DGAT2L6: variants seen among roughly 807,000 people sequenced by gnomAD.
DGAT2L6 encodes the protein diacylglycerol O-acyltransferase 2-like protein 6.
A neutral mutation model predicts 25.5 loss-of-function variants in DGAT2L6; 22 were observed. The ratio of observed to expected loss-of-function variants is 0.86; its 90% CI spans 0.62 to 1.23. The LOEUF is 1.23. Ranked by LOEUF, DGAT2L6 falls within the 50% of genes most tolerant of loss-of-function variation. DGAT2L6 has a pLI of 0.00. For missense variants in DGAT2L6, 287 were observed against 253.2 expected (o/e 1.13, Z -0.91); for synonymous variants, 100 against 94.7 (o/e 1.06, Z -0.32).
At chrX:70,199,674 A>T (rs2085403064) in intron 2 of DGAT2L6, 138 bp from the exon 3 acceptor site, 1 of 542,532 alleles carries the variant, frequency 1.8e-6, no homozygotes. Flanking sequence ...GGATTCAGGG[A>T]CAGTACTTAC....
intron 1 of DGAT2L6, among the ~76,000 whole-genome samples, chrX:70,183,306 A>G (rs1046047168): frequency 2.7e-5 from 3 of 110,489 alleles, no homozygotes; most frequent in Non-Finnish European, 5.7e-5. Flanking sequence ...GTACTCTCCC[A>G]CTCCTTCACC....
chrX:70,203,460 G>C (rs1054617292), intron 5 of DGAT2L6, among the ~76,000 whole-genome samples: 3 of 112,040 alleles, frequency 2.7e-5, no homozygotes, highest in Non-Finnish European at 5.6e-5. Flanking sequence ...TCTGAACTGT[G>C]AATTGAAATA....
At chrX:70,189,230 G>A (rs978236669) in intron 1 of DGAT2L6, among the ~76,000 whole-genome samples, 1 of 110,809 alleles carries the variant, frequency 9.0e-6, no homozygotes, top group South Asian at 3.7e-4. Flanking sequence ...AAAATCCCAA[G>A]GACTCTACTT....
chrX:70,204,238 C>A, intron 5 of DGAT2L6, 67 bp from the exon 6 acceptor site: 1 of 991,298 alleles, frequency 1.0e-6, no homozygotes, highest in South Asian at 2.2e-5. Context: ...AGAGGTTTCC[C>A]ACCTTGGAGA....
At chrX:70,198,515 T>C (rs2085398917) in intron 1 of DGAT2L6, among the ~76,000 whole-genome samples, 1 of 110,219 alleles carries the variant, frequency 9.1e-6, no homozygotes, top group African/African-American at 3.3e-5. Flanking sequence ...AGTAGGGCAG[T>C]TTTGTTGTTG....
At chrX:70,198,789 C>T (rs924496572) in intron 1 of DGAT2L6, among the ~76,000 whole-genome samples, 3 of 111,638 alleles carry the variant, frequency 2.7e-5, no homozygotes, top group South Asian at 3.8e-4. Flanking sequence ...CTGCCTGCCT[C>T]GGCCTCCCAA....
chrX:70,198,461 C>G (rs2085398657), intron 1 of DGAT2L6, among the ~76,000 whole-genome samples: 1 of 111,941 alleles, frequency 8.9e-6, no homozygotes, highest in South Asian at 3.7e-4. Flanking sequence ...ACTTTGGCCT[C>G]CCAAATTGCT....
At chrX:70,193,014 T>C (rs1458818404) in intron 1 of DGAT2L6, among the ~76,000 whole-genome samples, 2 of 110,769 alleles carry the variant, frequency 1.8e-5, no homozygotes, top group Admixed American at 1.9e-4. Flanking sequence ...TCTAAACAGA[T>C]CAATGACAAA....
rs757750414 is a variant in DGAT2L6 at position 70,201,970 on chromosome X, G to T, written c.553G>T (p.Gly185Cys). ...GSGNAVVIVV[G>C]GAAEALLCRP... ...AGGCAATGCCGTGGTTATTGTGGTG[G>T]GTGGAGCTGCTGAAGCTCTCTTGTG... The change falls in exon 5 of 7, where the codon GGT becomes TGT. Residue 185 changes from glycine to cysteine, a missense_variant. By Grantham distance (159) the Gly-to-Cys change is radical. Coordinates refer to ENST00000333026, the MANE Select transcript of DGAT2L6 (RefSeq NM_198512.3). The T allele has an allele frequency of 2.5e-6, 3 of 1,208,076 alleles. No individual in the cohort carries two copies. The Admixed American group carries it at 6.6e-5, about 27-fold the overall frequency.
At chrX:70,200,777 A>G (rs2085407554) in intron 4 of DGAT2L6, among the ~76,000 whole-genome samples, 1 of 111,930 alleles carries the variant, frequency 8.9e-6, no homozygotes, top group Non-Finnish European at 1.9e-5. Context: ...AATTAAACAC[A>G]AATCCAGGGA....
chrX:70,200,156 C>T, intron 3 of DGAT2L6, 99 bp from the exon 4 acceptor site: 1 of 844,626 alleles, frequency 1.2e-6, no homozygotes, highest in Non-Finnish European at 1.7e-6. Flanking sequence ...GGATTTGGGG[C>T]TCCCAGAGGG....
rs146604899 is a variant in DGAT2L6 at position 70,179,620 on chromosome X, T to C, written c.85+1953T>C. 9.1e-3 allele frequency among the ~76,000 whole-genome samples: 838 copies of C among 91,834 alleles called. 13 individuals are homozygous for C. The highest frequency in any genetic ancestry group is 0.035 in the Middle Eastern group (5 of 142). 79.7% of individuals were successfully genotyped at this position (91,834 alleles called of 115,157 possible). Reference sequence around the variant, plus strand: ...TTCACTCTTGTCGCCCAGGCTGGAGTGCAATGGCAGGATCTTGGCTCACTG... The same window carrying C: ...TTCACTCTTGTCGCCCAGGCTGGAGCGCAATGGCAGGATCTTGGCTCACTG... On this transcript the variant is annotated intron_variant, in intron 1 of 6. Transcript: ENST00000333026.
chrX:70,190,863 G>C (rs1388090052), intron 1 of DGAT2L6, among the ~76,000 whole-genome samples: 1 of 112,148 alleles, frequency 8.9e-6, no homozygotes, highest in Non-Finnish European at 1.9e-5. Flanking sequence ...CAGGAACCTG[G>C]CAGGAGGCAC....
Position 70,177,666 on chromosome X carries a change from A to G in DGAT2L6, c.84A>G (p.Leu28=). ...VLQWIPVYIF[L]GAIPILLIPY... is the part of the protein sequence containing the mutation. The stretch of plus-strand genomic sequence containing the variant: ...AATGGATCCCAGTCTATATATTTTT[A>G]GGTGAGTGAACCCCAAGGGCTGGAG... The change falls in exon 1 of 7, where the codon TTA becomes TTG. Residue 28 remains leucine, a splice_region_variant and synonymous_variant. Coordinates refer to ENST00000333026, the MANE Select transcript of DGAT2L6 (RefSeq NM_198512.3). 8.3e-7 allele frequency: 1 copy of G among 1,204,912 alleles called. No homozygotes were observed. The highest frequency in any genetic ancestry group is 2.2e-5 in the Admixed American group (1 of 45,904).
chrX:70,200,323 C>T lies in DGAT2L6; in HGVS notation c.336C>T (p.Leu112=), dbSNP rs780069659. The T allele has an allele frequency of 7.4e-6, 9 of 1,209,929 alleles. No homozygotes were observed. Among genetic ancestry groups the T allele is most frequent in the Non-Finnish European group, 2.2e-6 (2 of 895,117 alleles). The change falls in exon 4 of 7, where the codon CTC becomes CTT. Residue 112 remains leucine, a synonymous_variant. Coordinates refer to ENST00000333026, the MANE Select transcript of DGAT2L6 (RefSeq NM_198512.3). ...YIIANHPHGI[L]SFGVFINFAT... ...TTGCCAATCACCCCCATGGCATTCT[C>T]TCTTTTGGTGTCTTCATCAACTTTG... is the stretch of plus-strand genomic sequence containing the variant.
At chrX:70,183,704 G>A (rs1334571538) in intron 1 of DGAT2L6, among the ~76,000 whole-genome samples, 2 of 111,122 alleles carry the variant, frequency 1.8e-5, no homozygotes, top group Admixed American at 9.6e-5. Flanking sequence ...GGGTGTGTGG[G>A]CCTGCCCTCT....
intron 1 of DGAT2L6, among the ~76,000 whole-genome samples, chrX:70,194,894 T>C (rs951657883): frequency 1.8e-5 from 2 of 109,903 alleles, no homozygotes; most frequent in Middle Eastern, 4.7e-3. Context: ...CAAGCAGGAG[T>C]ACCTCAAACT....
intron 1 of DGAT2L6, among the ~76,000 whole-genome samples, chrX:70,183,254 C>T (rs936206562): frequency 8.9e-6 from 1 of 112,370 alleles, no homozygotes; most frequent in Non-Finnish European, 1.9e-5. Context: ...TACGTGATTG[C>T]CTTGCGTTCC....
At chrX:70,204,199 G>T in intron 5 of DGAT2L6, 106 bp from the exon 6 acceptor site, 1 of 609,667 alleles carries the variant, frequency 1.6e-6, no homozygotes, top group Non-Finnish European at 2.6e-6. Context: ...TTGGGTGCTT[G>T]GGTTCTTGTC....
Sources: gnomAD v4.1 joint callset for allele counts (sites outside exome capture counted in the v4.1 genomes callset) on GRCh38, gnomAD v4.1.1 for gene constraint, MANE v1.5 for transcripts, NCBI Gene and HGNC (gene_info 2026-07-23, HGNC 2026-07-21) for gene names.